The following MVB12B variants were observed in gnomAD, a reference collection of about 807,000 sequenced individuals.
MVB12B encodes ESCRT-I complex subunit MVB12B.
In MVB12B, 16 loss-of-function variants were observed where a neutral mutation model predicts 41.6. The ratio of observed to expected loss-of-function variants is 0.38; its 90% CI spans 0.26 to 0.58. The LOEUF (loss-of-function observed/expected upper bound fraction) is 0.58, where lower values mean the gene tolerates loss of function less well. Ranked by LOEUF, MVB12B falls within the 20% of genes least tolerant of loss-of-function variation. The probability of loss-of-function intolerance (pLI) is 0.62; values close to 1 mark genes in which losing one functional copy is unlikely to be tolerated. For synonymous variants in MVB12B, 133 were observed against 139.7 expected, an observed-to-expected ratio of 0.95 and a Z score of 0.34; for missense variants, 274 against 380.2, an observed-to-expected ratio of 0.72 and a Z score of 2.32.
chr9:126,386,231 CAGGGCTG>C lies in MVB12B; in HGVS notation c.313-329_313-323del, dbSNP rs1197741622. On this transcript the variant is annotated intron_variant, in intron 3 of 9. Transcript: ENST00000361171. This position sits in a 1 kb window ranked among gnomAD's most constrained non-coding sequence, Gnocchi z 4.3. ...CCTCCTGGCCTTGAGATCTGATGCTCAGGGCTGAATGGCAGCCTGGTCCTGGGACCTG... is the reference window on the plus strand; with the variant it reads ...CCTCCTGGCCTTGAGATCTGATGCTCAATGGCAGCCTGGTCCTGGGACCTG... Among the ~76,000 whole-genome samples, 1 of 152,142 alleles carries C rather than the reference CAGGGCTG, an allele frequency of 6.6e-6. No homozygotes were observed. Among genetic ancestry groups the C allele is most frequent in the Non-Finnish European group, 1.5e-5 (1 of 68,032 alleles).
intron 6 of MVB12B, among the ~76,000 whole-genome samples, chr9:126,421,245 C>G (rs1399480318): frequency 6.6e-6 from 1 of 152,218 alleles, no homozygotes; most frequent in Non-Finnish European, 1.5e-5. Context: ...CTGTATCTGT[C>G]TGGAAGGTGC....
intron 7 of MVB12B, among the ~76,000 whole-genome samples, chr9:126,429,961 G>A (rs757742247): frequency 6.6e-6 from 1 of 152,210 alleles, no homozygotes; most frequent in South Asian, 2.1e-4. Flanking sequence ...CTGCAGCTGA[G>A]TGTTAAGCGT....
At chr9:126,438,917 G>T (rs1026825308) in intron 7 of MVB12B, among the ~76,000 whole-genome samples, 1 of 152,132 alleles carries the variant, frequency 6.6e-6, no homozygotes, top group South Asian at 2.1e-4. Flanking sequence ...GTTGAATCCC[G>T]TGTATGATAC....
chr9:126,380,474 T>A (rs1361388877), intron 2 of MVB12B, among the ~76,000 whole-genome samples: 6 of 152,306 alleles, frequency 3.9e-5, no homozygotes, highest in African/African-American at 1.4e-4. Context: ...CGAGTGAGTC[T>A]TCTTTTGTTT....
intron 7 of MVB12B, among the ~76,000 whole-genome samples, chr9:126,470,734 G>C (rs1833297691): frequency 6.6e-6 from 1 of 151,372 alleles, no homozygotes; most frequent in Non-Finnish European, 1.5e-5. Flanking sequence ...GTGGTGTGAG[G>C]GCACCCTGGT....
intron 1 of MVB12B, among the ~76,000 whole-genome samples, chr9:126,338,323 C>A (rs2118813076): frequency 6.6e-6 from 1 of 152,338 alleles, no homozygotes; most frequent in South Asian, 2.1e-4. Flanking sequence ...TCTCCTGGGC[C>A]GCCACAGGGC....
chr9:126,438,556 G>C (rs375919537), intron 7 of MVB12B, among the ~76,000 whole-genome samples: 1 of 152,188 alleles, frequency 6.6e-6, no homozygotes, highest in South Asian at 2.1e-4. Context: ...CCTCGTCCAG[G>C]TTCTCAGATA....
At chr9:126,335,310 A>C in intron 1 of MVB12B, 10 of 1,301,220 alleles carry the variant, frequency 7.7e-6, no homozygotes, top group Non-Finnish European at 1.0e-5. Flanking sequence ...ACAGCCTCTC[A>C]GTCTGTGCAC....
At chr9:126,500,169 AC>A (rs906736946) in intron 9 of MVB12B, among the ~76,000 whole-genome samples, 1 of 150,740 alleles carries the variant, frequency 6.6e-6, no homozygotes, top group African/African-American at 2.4e-5. Context: ...ACTCCCTGCC[AC>A]CCCCAGGAAC....
At chr9:126,329,892 C>T (rs897108915) in intron 1 of MVB12B, among the ~76,000 whole-genome samples, 1 of 151,964 alleles carries the variant, frequency 6.6e-6, no homozygotes, top group Non-Finnish European at 1.5e-5. Flanking sequence ...CACCGAGGCC[C>T]ACCCTGGCCA....
intron 3 of MVB12B, among the ~76,000 whole-genome samples, chr9:126,381,961 A>G (rs1418240359): frequency 1.3e-5 from 2 of 152,016 alleles, no homozygotes; most frequent in African/African-American, 4.8e-5. Flanking sequence ...AACAGGGAGC[A>G]GTTGGGATTT....
chr9:126,380,889 T>A (rs1225766487), intron 2 of MVB12B, among the ~76,000 whole-genome samples, 175 bp from the exon 3 acceptor site: 1 of 152,244 alleles, frequency 6.6e-6, no homozygotes, highest in African/African-American at 2.4e-5. Flanking sequence ...AGTTGTGTTT[T>A]TCACACCCTC....
intron 2 of MVB12B, among the ~76,000 whole-genome samples, chr9:126,351,241 C>T (rs1829738273): frequency 6.6e-6 from 1 of 152,170 alleles, no homozygotes; most frequent in Non-Finnish European, 1.5e-5. Context: ...ATCTTACATC[C>T]TGTGACCTTG....
chr9:126,451,685 C>T (rs1026623885), intron 7 of MVB12B, among the ~76,000 whole-genome samples: 8 of 152,076 alleles, frequency 5.3e-5, no homozygotes, highest in African/African-American at 1.7e-4. Flanking sequence ...GACCCTCCCA[C>T]TACCTTCCAG....
intron 6 of MVB12B, 68 bp from the exon 7 acceptor site, chr9:126,421,786 G>A (rs867287062): frequency 1.3e-5 from 16 of 1,213,176 alleles, no homozygotes; most frequent in South Asian, 6.0e-5. Context: ...TGTTGATGGC[G>A]TCAGTGCTTC....
intron 7 of MVB12B, among the ~76,000 whole-genome samples, chr9:126,460,360 T>C (rs1833064309): frequency 6.6e-6 from 1 of 152,168 alleles, no homozygotes. Flanking sequence ...AAACTAAACT[T>C]CTGGCTCAGA....
chr9:126,479,258 A>G (rs1461189063), intron 7 of MVB12B, among the ~76,000 whole-genome samples: 2 of 152,050 alleles, frequency 1.3e-5, no homozygotes, highest in Non-Finnish European at 2.9e-5. Flanking sequence ...CTCTAAAATG[A>G]TCGGAAGTGT....
At chr9:126,351,904 G>A (rs1453432676) in intron 2 of MVB12B, among the ~76,000 whole-genome samples, 3 of 152,108 alleles carry the variant, frequency 2.0e-5, no homozygotes, top group African/African-American at 7.2e-5. Flanking sequence ...TCATGAATAG[G>A]TATGGAATTT....
At chr9:126,364,626 C>T (rs1050837202) in intron 2 of MVB12B, among the ~76,000 whole-genome samples, 1 of 152,228 alleles carries the variant, frequency 6.6e-6, no homozygotes, top group African/African-American at 2.4e-5. Flanking sequence ...GCCACTTTAC[C>T]TTAGACCCAT....
Sources: allele counts gnomAD v4.1 joint callset (sites outside exome capture counted in the v4.1 genomes callset), GRCh38; gene constraint gnomAD v4.1.1; non-coding constraint Gnocchi (gnomAD v3.1); transcripts MANE v1.5; gene names NCBI Gene and HGNC (gene_info 2026-07-23, HGNC 2026-07-21).